COL22A1: variants seen among roughly 807,000 people sequenced by gnomAD.
COL22A1 encodes the protein collagen alpha-1(XXII) chain.
Under a neutral mutation model 248.9 loss-of-function variants are expected in COL22A1, and 221 were observed. The observed-to-expected ratio is 0.89, with a 90% confidence interval of 0.80 to 0.99. The LOEUF is 0.99. Ranked by LOEUF, COL22A1 falls within the 50% of genes least tolerant of loss-of-function variation. The pLI is 0.00. For missense variants in COL22A1, 2,240 were observed against 2,179.0 expected (o/e 1.03, Z -0.56); for synonymous variants, 891 against 793.4 (o/e 1.12, Z -2.07).
At chr8:138,832,965 C>T in intron 5 of COL22A1, 74 bp downstream of exon 5, 1 of 989,478 alleles carries the variant, frequency 1.0e-6, no homozygotes, top group Non-Finnish European at 1.6e-6. Context: ...AAGTATGAAA[C>T]AGGCTGCTGG....
rs192787524 is a variant in COL22A1 at position 138,821,399 on chromosome 8, G to A, written c.982C>T (p.Leu328=). 5.0e-6 allele frequency: 8 copies of A among 1,612,386 alleles called. No individual in the cohort carries two copies. Among genetic ancestry groups the A allele is most frequent in the Non-Finnish European group, 6.8e-6 (8 of 1,178,554 alleles). The change falls in exon 7 of 65, where the codon CTG becomes TTG. Residue 328 remains leucine, a synonymous_variant. Coordinates refer to ENST00000303045, the MANE Select transcript of COL22A1 (RefSeq NM_152888.3). ...TCGACTGCCTTGTTTTCACCATCCAGCCGGATGGAGACCTGGGGAGGAAAG... is the reference window on the plus strand; with the variant it reads ...TCGACTGCCTTGTTTTCACCATCCAACCGGATGGAGACCTGGGGAGGAAAG... ...QYSIPQVSIR[L]DGENKAVEYN...
At chr8:138,595,350 C>T (rs1373132576) in intron 62 of COL22A1, among the ~76,000 whole-genome samples, 1 of 152,174 alleles carries the variant, frequency 6.6e-6, no homozygotes, top group Non-Finnish European at 1.5e-5. Flanking sequence ...GAAGAAAGGA[C>T]TCAGCCCAGC....
chr8:138,646,695 T>G lies in COL22A1; in HGVS notation c.3448-13A>C, dbSNP rs556572484. 131 of 1,553,238 alleles carry G rather than the reference T, an allele frequency of 8.4e-5. No homozygotes were observed. In the Middle Eastern group the frequency reaches 1.2e-3, roughly 14 times the overall value. On this transcript the variant is annotated splice_polypyrimidine_tract_variant and intron_variant, in intron 46 of 64. Transcript: ENST00000303045. ...GCCCAGCCTCTCCCTGTATCAGGGATACAAGAAAAAAAAAGAAAACAAGAA... is the reference window on the plus strand; with the variant it reads ...GCCCAGCCTCTCCCTGTATCAGGGAGACAAGAAAAAAAAAGAAAACAAGAA...
chr8:138,794,699 T>C (rs1382668787), intron 12 of COL22A1, among the ~76,000 whole-genome samples: 1 of 152,144 alleles, frequency 6.6e-6, no homozygotes, highest in African/African-American at 2.4e-5. Flanking sequence ...TAGCTCTATT[T>C]TTAATACCCA....
rs771332615 is a variant in COL22A1, at chr8:138,649,695, CT to C, written c.3416del (p.Lys1139SerfsTer25). 6.2e-7 allele frequency: 1 copy of C among 1,613,526 alleles called. No homozygotes were observed. The highest frequency in any genetic ancestry group is 8.5e-7 in the Non-Finnish European group (1 of 1,179,736). On this transcript the variant is annotated frameshift_variant, in exon 46 of 65. Coordinates refer to ENST00000303045, the MANE Select transcript of COL22A1 (RefSeq NM_152888.3). LOFTEE classifies it high-confidence loss of function. ...TCCCTTCTGTGCCTTCTCTCCCTGGCTTTCCTGGGACACCTTTGTCCCCTTT... is the reference window on the plus strand; with the variant it reads ...TCCCTTCTGTGCCTTCTCTCCCTGGCTTCCTGGGACACCTTTGTCCCCTTT... ...GFKGDKGVPG[K>X]PGREGTEGKK...
chr8:138,805,764 G>T (rs1260558304), intron 10 of COL22A1, among the ~76,000 whole-genome samples: 4 of 145,956 alleles, frequency 2.7e-5, no homozygotes, highest in Non-Finnish European at 6.0e-5. Context: ...GTGTGTAATG[G>T]TATGTGATAG....
intron 7 of COL22A1, among the ~76,000 whole-genome samples, chr8:138,814,895 T>G (rs764036334): frequency 3.3e-5 from 5 of 152,194 alleles, no homozygotes; most frequent in African/African-American, 4.8e-5. Context: ...ATGTGCATCT[T>G]GCATGATATG....
At chr8:138,737,081 C>T (rs934119073) in intron 23 of COL22A1, among the ~76,000 whole-genome samples, 6 of 152,274 alleles carry the variant, frequency 3.9e-5, no homozygotes, top group Middle Eastern at 3.4e-3. Context: ...TCCTGCCCAG[C>T]GCTGCGCTGC....
intron 23 of COL22A1, among the ~76,000 whole-genome samples, chr8:138,730,025 G>A (rs748574270): frequency 2.6e-5 from 4 of 152,162 alleles, no homozygotes; most frequent in Non-Finnish European, 5.9e-5. Flanking sequence ...TTCAGCCCAC[G>A]GCTAGGATAG....
chr8:138,755,145 G>A lies in COL22A1; in HGVS notation c.2031+12C>T, dbSNP rs753682503. On this transcript the variant is annotated intron_variant, in intron 21 of 64. Transcript: ENST00000303045. Reference sequence around the variant, plus strand: ...TGCAGAGCAAACCCTGCGCAGGAGAGGGACAACTTACCCGAGCTCCTGGAG... The same window carrying A: ...TGCAGAGCAAACCCTGCGCAGGAGAAGGACAACTTACCCGAGCTCCTGGAG... The A allele has an allele frequency of 3.1e-6, 5 of 1,613,848 alleles. No individual in the cohort carries two copies. In the Admixed American group the frequency reaches 8.3e-5, roughly 27 times the overall value.
At chr8:138,593,407 T>C (rs1817255714) in intron 63 of COL22A1, among the ~76,000 whole-genome samples, 2 of 152,158 alleles carry the variant, frequency 1.3e-5, no homozygotes, top group South Asian at 4.2e-4. Flanking sequence ...AAAAACCTTT[T>C]GTTAAAAAAA....
At chr8:138,738,512 T>C (rs988556209) in intron 22 of COL22A1, among the ~76,000 whole-genome samples, 3 of 152,192 alleles carry the variant, frequency 2.0e-5, no homozygotes, top group African/African-American at 7.2e-5. Context: ...TTTGAGTGTC[T>C]ATTTCACGGC....
At chr8:138,809,528 C>T (rs116807545) in intron 9 of COL22A1, among the ~76,000 whole-genome samples, 63 of 117,594 alleles carry the variant, frequency 5.4e-4, no homozygotes, top group South Asian at 9.1e-4. Flanking sequence ...TTTTCTTTTT[C>T]TTTTTTTTTT....
intron 56 of COL22A1, among the ~76,000 whole-genome samples, chr8:138,608,825 T>C (rs909038824): frequency 1.3e-5 from 2 of 152,078 alleles, no homozygotes; most frequent in African/African-American, 4.8e-5. Flanking sequence ...GGCTGCTGTG[T>C]CTTTACCTGG....
intron 6 of COL22A1, among the ~76,000 whole-genome samples, chr8:138,823,395 A>G (rs1222459859): frequency 2.0e-5 from 3 of 152,204 alleles, no homozygotes; most frequent in Admixed American, 2.0e-4. Context: ...CTGTTCTCAC[A>G]TCCCAAGATG....
chr8:138,891,063 C>G (rs954275609), intron 1 of COL22A1, among the ~76,000 whole-genome samples: 4 of 151,700 alleles, frequency 2.6e-5, no homozygotes, highest in African/African-American at 7.2e-5. Context: ...CAGCAATGAA[C>G]AATGCAAAAA....
At chr8:138,600,117 T>G (rs1208114340) in intron 60 of COL22A1, among the ~76,000 whole-genome samples, 1 of 152,164 alleles carries the variant, frequency 6.6e-6, no homozygotes, top group Non-Finnish European at 1.5e-5. Context: ...GAGCTGGAAG[T>G]GCGGGACCAA....
intron 3 of COL22A1, among the ~76,000 whole-genome samples, chr8:138,866,619 C>T (rs1451644580): frequency 6.6e-6 from 1 of 152,228 alleles, no homozygotes; most frequent in African/African-American, 2.4e-5. Flanking sequence ...GATCATCACA[C>T]CTATATGCTG....
At chr8:138,770,444 G>T (rs1834266721) in intron 16 of COL22A1, among the ~76,000 whole-genome samples, 1 of 152,172 alleles carries the variant, frequency 6.6e-6, no homozygotes, top group South Asian at 2.1e-4. Flanking sequence ...ACATGATCTG[G>T]TAAACCCCCA....
Sources: gnomAD v4.1 joint callset for allele counts (sites outside exome capture counted in the v4.1 genomes callset) on GRCh38, gnomAD v4.1.1 for gene constraint, MANE v1.5 for transcripts, NCBI Gene and HGNC (gene_info 2026-07-23, HGNC 2026-07-21) for gene names.